The following TEX26 variants were observed in gnomAD, a reference collection of about 807,000 sequenced individuals.
The protein encoded by TEX26 is testis-expressed protein 26.
Under a neutral mutation model 35.3 loss-of-function variants are expected in TEX26, and 34 were observed. The ratio of observed to expected loss-of-function variants is 0.96; its 90% CI spans 0.73 to 1.28. TEX26 has a LOEUF of 1.28. TEX26 is among the 50% of genes most tolerant of loss of function. The pLI, the probability that TEX26 is intolerant of heterozygous loss-of-function variation, is 0.00. For missense variants in TEX26, 371 were observed against 330.1 expected, an observed-to-expected ratio of 1.12 and a Z score of -0.96; for synonymous variants, 136 against 111.8, an observed-to-expected ratio of 1.22 and a Z score of -1.36.
chr13:30,961,233 C>G (rs1023256433), intron 4 of TEX26, among the ~76,000 whole-genome samples: 3 of 152,132 alleles, frequency 2.0e-5, no homozygotes, highest in African/African-American at 7.2e-5. Context: ...CAGTCCAGAG[C>G]TTCTTTGGTT....
chr13:30,934,982 A>C (rs1225668592), intron 1 of TEX26, among the ~76,000 whole-genome samples: 1 of 152,202 alleles, frequency 6.6e-6, no homozygotes, highest in African/African-American at 2.4e-5. Context: ...TGGTGGGGCA[A>C]GAGCTCCCTG....
intron 6 of TEX26, among the ~76,000 whole-genome samples, chr13:30,970,638 C>T (rs116610951): frequency 6.6e-6 from 1 of 152,276 alleles, no homozygotes; most frequent in African/African-American, 2.4e-5. Flanking sequence ...TTTTGTCTTC[C>T]CTAAGCAGAT....
chr13:30,950,854 G>T (rs955164568), intron 2 of TEX26, among the ~76,000 whole-genome samples: 1 of 152,202 alleles, frequency 6.6e-6, no homozygotes, highest in African/African-American at 2.4e-5. Context: ...AGGGTTGGAG[G>T]CTTATTCCTC....
rs1182157019 is a variant in TEX26 at position 30,956,927 on chromosome 13, T to G, written c.367T>G (p.Cys123Gly). Residue 123 changes from cysteine (C) to glycine (G), a missense_variant, in exon 4 of 7, where the codon TGC (cysteine) becomes GGC (glycine). Transcript: ENST00000380473. ...TCAACAAACGGGGACACTAAAGAAC[T>G]GCCTCCCTTGGAAAATCCCGGCTTC... is the stretch of plus-strand genomic sequence containing the variant. ...HCQQTGTLKN[C>G]LPWKIPASMK... is the part of the protein sequence containing the mutation. 6.2e-7 allele frequency: 1 copy of G among 1,614,052 alleles called. No homozygotes were observed. The highest frequency in any genetic ancestry group is 8.5e-7 in the Non-Finnish European group (1 of 1,179,988).
intron 2 of TEX26, among the ~76,000 whole-genome samples, chr13:30,942,702 G>A (rs1290153178): frequency 6.6e-6 from 1 of 151,770 alleles, no homozygotes; most frequent in Non-Finnish European, 1.5e-5. Flanking sequence ...GGTGAGAGAT[G>A]CTAGCCAATT....
intron 2 of TEX26, among the ~76,000 whole-genome samples, chr13:30,940,373 G>T (rs938339978): frequency 1.8e-5 from 2 of 114,102 alleles, no homozygotes; most frequent in Non-Finnish European, 3.3e-5. Context: ...TCGCTCTGTC[G>T]CCCAGGCTGG....
At chr13:30,935,816 T>A (rs1190801086) in intron 1 of TEX26, among the ~76,000 whole-genome samples, 2 of 152,230 alleles carry the variant, frequency 1.3e-5, no homozygotes, top group Non-Finnish European at 2.9e-5. Context: ...CACTTGTCTG[T>A]GTACCTCAAT....
chr13:30,957,863 A>T (rs917317201), intron 4 of TEX26, among the ~76,000 whole-genome samples: 2 of 152,244 alleles, frequency 1.3e-5, no homozygotes, highest in African/African-American at 4.8e-5. Flanking sequence ...GGGATGAGTG[A>T]CTGACAGATG....
At chr13:30,969,876 T>C (rs1020010648) in intron 6 of TEX26, among the ~76,000 whole-genome samples, 2 of 152,220 alleles carry the variant, frequency 1.3e-5, no homozygotes, top group African/African-American at 4.8e-5. Context: ...TTTATTCCTG[T>C]ACCCAGCTGA....
intron 2 of TEX26, among the ~76,000 whole-genome samples, chr13:30,941,997 A>G (rs1238446986): frequency 6.6e-6 from 1 of 152,122 alleles, no homozygotes; most frequent in South Asian, 2.1e-4. Context: ...TTTTTAATAA[A>G]ATGACTCCTT....
At chr13:30,960,031 T>C (rs1467487451) in intron 4 of TEX26, among the ~76,000 whole-genome samples, 1 of 152,202 alleles carries the variant, frequency 6.6e-6, no homozygotes, top group Non-Finnish European at 1.5e-5. Context: ...TAAAATTCTA[T>C]ATCCAGCCAA....
At chr13:30,974,527 T>A (rs780061839) in intron 6 of TEX26, among the ~76,000 whole-genome samples, 2 of 152,150 alleles carry the variant, frequency 1.3e-5, no homozygotes, top group Non-Finnish European at 2.9e-5. Flanking sequence ...GATGAGGAAC[T>A]GAGGAAGTGG....
At chr13:30,956,611 C>T (rs1417412583) in intron 3 of TEX26, among the ~76,000 whole-genome samples, 3 of 152,204 alleles carry the variant, frequency 2.0e-5, no homozygotes, top group Non-Finnish European at 4.4e-5. Flanking sequence ...CTGTAGGAGA[C>T]TTCTGGTTGG....
intron 1 of TEX26, among the ~76,000 whole-genome samples, chr13:30,939,120 A>G (rs141240919): frequency 7.7e-4 from 117 of 152,310 alleles, no homozygotes; most frequent in African/African-American, 2.5e-3. Flanking sequence ...GATAACTGAA[A>G]CCCGATATGT....
intron 5 of TEX26, among the ~76,000 whole-genome samples, 194 bp downstream of exon 5, chr13:30,966,592 C>A (rs1330316721): frequency 2.0e-5 from 3 of 152,026 alleles, no homozygotes; most frequent in Non-Finnish European, 4.4e-5. Context: ...TGCGCACCAC[C>A]ATGCCCAGCT....
chr13:30,973,774 T>C (rs1389429136), intron 6 of TEX26, among the ~76,000 whole-genome samples: 1 of 152,092 alleles, frequency 6.6e-6, no homozygotes, highest in East Asian at 1.9e-4. Context: ...GCATTTTCAC[T>C]CCTTTTTGGT....
At chr13:30,959,615 C>T (rs918739619) in intron 4 of TEX26, among the ~76,000 whole-genome samples, 1 of 152,084 alleles carries the variant, frequency 6.6e-6, no homozygotes, top group Non-Finnish European at 1.5e-5. Context: ...CTTATTTTTA[C>T]CAGAATTAAT....
rs1315947297 is a variant in TEX26 at position 30,974,827 on chromosome 13, T to C, written c.809-19T>C. The C allele has an allele frequency of 1.9e-6, 3 of 1,548,474 alleles. No homozygotes were observed. Among genetic ancestry groups the C allele is most frequent in the Non-Finnish European group, 8.7e-7 (1 of 1,152,854 alleles). ...ACTTACGTGAAAATTTTCATCCTGT[T>C]TTTCTTCATACTTTTCAGATAGACA... On this transcript the variant is annotated intron_variant, in intron 6 of 6. Coordinates refer to ENST00000380473, the MANE Select transcript of TEX26 (RefSeq NM_152325.3).
chr13:30,948,808 C>T, intron 2 of TEX26, among the ~76,000 whole-genome samples: 1 of 152,114 alleles, frequency 6.6e-6, no homozygotes, highest in Non-Finnish European at 1.5e-5. Flanking sequence ...GACATGAAGT[C>T]CTTGGCCATG....
Sources: gnomAD v4.1 joint callset for allele counts (sites outside exome capture counted in the v4.1 genomes callset) on GRCh38, gnomAD v4.1.1 for gene constraint, MANE v1.5 for transcripts, NCBI Gene and HGNC (gene_info 2026-07-23, HGNC 2026-07-21) for gene names.